NFIB: variants seen among roughly 807,000 people sequenced by gnomAD.
NFIB encodes the protein nuclear factor I B.
Under a neutral mutation model 61.5 loss-of-function variants are expected in NFIB, and 11 were observed. The ratio of observed to expected loss-of-function variants is 0.18; its 90% CI spans 0.11 to 0.30. The LOEUF is 0.30. Ranked by LOEUF, NFIB falls within the 10% of genes least tolerant of loss-of-function variation. NFIB has a pLI of 1.00. For synonymous variants in NFIB, 260 were observed against 216.5 expected, an observed-to-expected ratio of 1.20 and a Z score of -1.76; for missense variants, 471 against 608.9, an observed-to-expected ratio of 0.77 and a Z score of 2.38.
the NFIB span, among the ~76,000 whole-genome samples, chr9:14,424,925 A>G: frequency 1.0e-3 from 153 of 152,244 alleles, no homozygotes; most frequent in African/African-American, 3.3e-3. Context: ...CATTAGGAGG[A>G]TAATCGTGGC....
chr9:14,274,251 T>TACACACACACACAC (rs71321975), intron 2 of NFIB, among the ~76,000 whole-genome samples: 3,164 of 123,952 alleles, frequency 0.026, 155 homozygotes, highest in East Asian at 0.089. Flanking sequence ...TCTTCCTCCC[T>TACACACACACACAC]ACACACACAC....
intron 1 of NFIB, among the ~76,000 whole-genome samples, chr9:14,345,903 C>T (rs10115333): frequency 0.045 from 6,920 of 152,240 alleles, 533 homozygotes; most frequent in African/African-American, 0.16. Context: ...TGCTTCTCCT[C>T]GGGTGCCATT....
intron 3 of NFIB, among the ~76,000 whole-genome samples, chr9:14,163,716 G>C (rs2044457312): frequency 6.6e-6 from 1 of 151,910 alleles, no homozygotes; most frequent in Admixed American, 6.6e-5. Context: ...ATGACTGTTA[G>C]ACAAAGACTA....
intron 1 of NFIB, among the ~76,000 whole-genome samples, chr9:14,342,117 C>A (rs1315808680): frequency 1.3e-5 from 2 of 152,116 alleles, no homozygotes; most frequent in African/African-American, 4.8e-5. Context: ...AGAGCAAAAG[C>A]TCTCTGGGCC....
chr9:14,115,793 G>C (rs1452718051), intron 9 of NFIB, among the ~76,000 whole-genome samples: 3 of 152,174 alleles, frequency 2.0e-5, no homozygotes, highest in African/African-American at 7.2e-5. Flanking sequence ...CATCTGCTTT[G>C]TGAAGGGGCT....
intron 2 of NFIB, chr9:14,306,104 A>G (rs1156611321): frequency 4.0e-6 from 2 of 496,978 alleles, no homozygotes; most frequent in Non-Finnish European, 6.5e-6. Flanking sequence ...ATCTTTTTTA[A>G]TTATTTAGGT....
At chr9:14,442,782 C>G in the NFIB span, among the ~76,000 whole-genome samples, 1 of 152,176 alleles carries the variant, frequency 6.6e-6, no homozygotes, top group South Asian at 2.1e-4. Context: ...TCTGGGGGTT[C>G]AAGTCCAACA....
intron 1 of NFIB, among the ~76,000 whole-genome samples, chr9:14,353,673 C>T (rs371168617): frequency 7.0e-4 from 106 of 152,234 alleles, no homozygotes; most frequent in African/African-American, 2.4e-3. Context: ...GACTGGCCGC[C>T]GATGCCTGCG....
At chr9:14,126,326 A>G (rs1284825350) in intron 6 of NFIB, among the ~76,000 whole-genome samples, 5 of 152,250 alleles carry the variant, frequency 3.3e-5, no homozygotes, top group African/African-American at 9.6e-5. Flanking sequence ...AATTAAAAGT[A>G]ATTCCTGCTC....
chr9:14,427,937 G>GTGTTTTTTTT, the NFIB span, among the ~76,000 whole-genome samples: 3 of 43,384 alleles, frequency 6.9e-5, no homozygotes, highest in African/African-American at 2.3e-4. Context: ...TAATTCAGTT[G>GTGTTTTTTTT]TTTTTTTTTT....
At chr9:14,186,394 G>C (rs1336976002) in intron 2 of NFIB, among the ~76,000 whole-genome samples, 1 of 151,984 alleles carries the variant, frequency 6.6e-6, no homozygotes, top group Non-Finnish European at 1.5e-5. Context: ...TTAAGGCTCA[G>C]AACAGTCTCT....
At chr9:14,321,594 T>G (rs554341706) in intron 1 of NFIB, among the ~76,000 whole-genome samples, 30 of 152,290 alleles carry the variant, frequency 2.0e-4, no homozygotes, top group African/African-American at 7.0e-4. Context: ...CAGTAATTTT[T>G]TTCCACCACT....
At chr9:14,346,296 C>CCCCCCG (rs1554715705) in intron 1 of NFIB, among the ~76,000 whole-genome samples, 1 of 142,630 alleles carries the variant, frequency 7.0e-6, no homozygotes, top group Non-Finnish European at 1.6e-5. Context: ...CGACACCCCC[C>CCCCCCG]CCCCGTAACC....
intron 1 of NFIB, chr9:14,322,002 T>C: frequency 8.1e-7 from 1 of 1,228,058 alleles, no homozygotes; most frequent in Non-Finnish European, 1.0e-6. Context: ...CCTGGGCCGC[T>C]GACTTGACGT....
intron 1 of NFIB, among the ~76,000 whole-genome samples, chr9:14,334,541 T>C (rs890407308): frequency 1.3e-5 from 2 of 152,186 alleles, no homozygotes; most frequent in African/African-American, 4.8e-5. Context: ...TACCTTTTTC[T>C]TGTTGATTTG....
chr9:14,497,839 A>G, the NFIB span, among the ~76,000 whole-genome samples: 2 of 152,290 alleles, frequency 1.3e-5, no homozygotes, highest in East Asian at 3.9e-4. Flanking sequence ...TGATTGGCTG[A>G]GTAAAGGACT....
At chr9:14,163,229 G>A (rs926036614) in intron 3 of NFIB, among the ~76,000 whole-genome samples, 1 of 151,702 alleles carries the variant, frequency 6.6e-6, no homozygotes, top group Non-Finnish European at 1.5e-5. Flanking sequence ...TGCAATCAAG[G>A]CAGCAAAAAT....
the NFIB span, among the ~76,000 whole-genome samples, chr9:14,516,444 GA>G: frequency 6.6e-6 from 1 of 152,048 alleles, no homozygotes; most frequent in African/African-American, 2.4e-5. Context: ...ACTCCATAAG[GA>G]ACGAAATTGT....
intron 1 of NFIB, among the ~76,000 whole-genome samples, chr9:14,389,748 C>A (rs961201586): frequency 2.1e-5 from 3 of 141,022 alleles, no homozygotes; most frequent in Non-Finnish European, 5.0e-5. Context: ...CCAGCATTTC[C>A]ACCCCCAAAG....
Sources: allele counts gnomAD v4.1 joint callset (sites outside exome capture counted in the v4.1 genomes callset), GRCh38; gene constraint gnomAD v4.1.1; transcripts MANE v1.5; gene names NCBI Gene and HGNC (gene_info 2026-07-23, HGNC 2026-07-21).